The following GRAMD2B variants were observed in gnomAD, a reference collection of about 807,000 sequenced individuals.
The protein encoded by GRAMD2B is GRAM domain containing 2B.
Under a neutral mutation model 59.2 loss-of-function variants are expected in GRAMD2B, and 41 were observed. The observed-to-expected ratio is 0.69, with a 90% CI of 0.54 to 0.90. The LOEUF (loss-of-function observed/expected upper bound fraction) is 0.90. Ranked by LOEUF, GRAMD2B falls within the 40% of genes least tolerant of loss-of-function variation. The pLI is 0.00. For synonymous variants in GRAMD2B, 161 were observed against 182.7 expected, an observed-to-expected ratio of 0.88 and a Z score of 0.96; for missense variants, 424 against 500.5, an observed-to-expected ratio of 0.85 and a Z score of 1.46.
Position 126,391,563 on chromosome 5 carries a change from A to T in GRAMD2B, c.125+19996A>T, listed in dbSNP as rs890957067. Among the ~76,000 whole-genome samples the T allele has an allele frequency of 2.6e-5, 4 of 152,214 alleles. 1 individual carries two copies. Among genetic ancestry groups the T allele is most frequent in the African/African-American group, 9.6e-5 (4 of 41,462 alleles). ...TCAAATGTCATCTACTGATGAATAG[A>T]TAAAATAAAATGTGGTATGTCCATG... is the stretch of plus-strand genomic sequence containing the variant. On this transcript the variant is annotated intron_variant, in intron 1 of 8. Coordinates refer to the GRAMD2B transcript ENST00000506445.
intron 5 of GRAMD2B, among the ~76,000 whole-genome samples, chr5:126,474,067 A>G (rs1432539382): frequency 6.6e-6 from 1 of 152,246 alleles, no homozygotes; most frequent in African/African-American, 2.4e-5. Context: ...GGCCTATCAA[A>G]GAAAAGATAA....
intron 1 of GRAMD2B, among the ~76,000 whole-genome samples, chr5:126,383,498 C>CT (rs1409180123): frequency 6.6e-6 from 1 of 152,140 alleles, no homozygotes; most frequent in African/African-American, 2.4e-5. Flanking sequence ...CAGTGCCTTA[C>CT]TCATGGGAAC....
At chr5:126,398,882 T>C (rs1244040789) in intron 1 of GRAMD2B, among the ~76,000 whole-genome samples, 7 of 152,240 alleles carry the variant, frequency 4.6e-5, no homozygotes, top group African/African-American at 1.7e-4. Context: ...GTGTGTACTT[T>C]AATTTCCACA....
intron 1 of GRAMD2B, among the ~76,000 whole-genome samples, chr5:126,451,101 C>T (rs1369081509): frequency 1.6e-4 from 25 of 152,216 alleles, no homozygotes; most frequent in Admixed American, 1.6e-3. Flanking sequence ...GCATTCAACT[C>T]CAACCCGTGA....
At chr5:126,404,620 T>A (rs910015334) in intron 1 of GRAMD2B, among the ~76,000 whole-genome samples, 3 of 151,898 alleles carry the variant, frequency 2.0e-5, no homozygotes, top group Admixed American at 2.0e-4. Flanking sequence ...AGTCTTGGAT[T>A]CTATACTTGA....
chr5:126,435,181 G>C (rs533935765), intron 1 of GRAMD2B, among the ~76,000 whole-genome samples: 1 of 152,134 alleles, frequency 6.6e-6, no homozygotes, highest in South Asian at 2.1e-4. Flanking sequence ...TCTGGGGAGA[G>C]GGGAATGGGA....
chr5:126,384,754 T>C (rs966684592), intron 1 of GRAMD2B, among the ~76,000 whole-genome samples: 3 of 152,242 alleles, frequency 2.0e-5, no homozygotes, highest in Non-Finnish European at 4.4e-5. Context: ...CTTTGCCCCT[T>C]CTTTGCCTAC....
intron 1 of GRAMD2B, among the ~76,000 whole-genome samples, chr5:126,363,478 G>A (rs1245673525): frequency 6.6e-6 from 1 of 152,144 alleles, no homozygotes; most frequent in Non-Finnish European, 1.5e-5. Context: ...TTGAAAACAT[G>A]TGTTTGCATA....
At chr5:126,479,803 AAAGT>A (rs1771378427) in intron 6 of GRAMD2B, among the ~76,000 whole-genome samples, 1 of 152,248 alleles carries the variant, frequency 6.6e-6, no homozygotes, top group Non-Finnish European at 1.5e-5. Context: ...AGATGGAAAA[AAAGT>A]AAATTTTTAT....
chr5:126,366,237 C>T (rs1410735838), intron 1 of GRAMD2B, among the ~76,000 whole-genome samples: 1 of 152,126 alleles, frequency 6.6e-6, no homozygotes, highest in African/African-American at 2.4e-5. Flanking sequence ...TATGCTTTAG[C>T]CCATGAATTA....
intron 1 of GRAMD2B, among the ~76,000 whole-genome samples, chr5:126,375,635 G>T (rs1244342491): frequency 6.6e-6 from 1 of 152,092 alleles, no homozygotes; most frequent in African/African-American, 2.4e-5. Flanking sequence ...CTCCCAAAGT[G>T]CTGAGATTAC....
intron 1 of GRAMD2B, chr5:126,458,884 C>G (rs1008740738): frequency 2.6e-5 from 4 of 152,130 alleles, no homozygotes; most frequent in African/African-American, 9.7e-5. Context: ...TTTTCTTATC[C>G]CCCGTTGATG....
chr5:126,438,752 C>T (rs1762808800), intron 1 of GRAMD2B, among the ~76,000 whole-genome samples: 1 of 152,104 alleles, frequency 6.6e-6, no homozygotes, highest in Non-Finnish European at 1.5e-5. Context: ...GGGATTTTAT[C>T]TGAGTGGGCA....
intron 1 of GRAMD2B, among the ~76,000 whole-genome samples, chr5:126,403,070 A>C (rs1485891979): frequency 6.6e-6 from 1 of 151,992 alleles, no homozygotes; most frequent in Non-Finnish European, 1.5e-5. Flanking sequence ...GTCTTTCCAA[A>C]GCAATGAAGA....
chr5:126,490,504 T>C (rs1410081819), intron 13 of GRAMD2B: 1 of 152,216 alleles, frequency 6.6e-6, no homozygotes, highest in East Asian at 1.9e-4. Context: ...GAGACTACCT[T>C]TGTCTCAAAG....
chr5:126,456,261 A>C (rs1766262621), intron 1 of GRAMD2B, among the ~76,000 whole-genome samples: 1 of 152,098 alleles, frequency 6.6e-6, no homozygotes, highest in Non-Finnish European at 1.5e-5. Context: ...CCCAGGGTAA[A>C]GTGCAGTGGC....
At chr5:126,387,830 T>C (rs1756315039) in intron 1 of GRAMD2B, among the ~76,000 whole-genome samples, 1 of 152,186 alleles carries the variant, frequency 6.6e-6, no homozygotes, top group Non-Finnish European at 1.5e-5. Context: ...GAATTGTCTT[T>C]AGGGACTAGT....
At chr5:126,465,341 C>G in intron 1 of GRAMD2B, 85 bp from the exon 2 acceptor site, 1 of 1,596,928 alleles carries the variant, frequency 6.3e-7, no homozygotes, top group Non-Finnish European at 8.5e-7. Context: ...ATTCCATTCT[C>G]TAGAAAACCA....
chr5:126,423,839 C>CTG, intron 1 of GRAMD2B, 150 bp downstream of exon 1: 1 of 660,090 alleles, frequency 1.5e-6, no homozygotes, highest in Non-Finnish European at 2.5e-6. Context: ...CTCACTCTCT[C>CTG]TCTCTGTCTA....
Sources: allele counts gnomAD v4.1 joint callset (sites outside exome capture counted in the v4.1 genomes callset), GRCh38; gene constraint gnomAD v4.1.1; transcripts MANE v1.5; gene names NCBI Gene and HGNC (gene_info 2026-07-23, HGNC 2026-07-21).